The following THAP8 variants were observed in gnomAD, a reference collection of about 807,000 sequenced individuals.
THAP8 encodes THAP domain containing 8.
THAP8 carries 24 observed loss-of-function variants against 25.0 expected under a neutral mutation model. That is an observed-to-expected ratio of 0.96 (90% confidence interval 0.69 to 1.35). The LOEUF (loss-of-function observed/expected upper bound fraction) is 1.35, where lower values mean the gene tolerates loss of function less well. THAP8 is among the 40% of genes most tolerant of loss of function. The probability of loss-of-function intolerance (pLI) is 0.00; values close to 1 mark genes in which losing one functional copy is unlikely to be tolerated. For missense variants in THAP8, 399 were observed against 368.8 expected (o/e 1.08, Z -0.67); for synonymous variants, 169 against 157.6 (o/e 1.07, Z -0.54).
Position 36,040,070 on chromosome 19 carries a change from CA to C in THAP8, c.149del (p.Val50GlyfsTer81), listed in dbSNP as rs1456207701. ...TGCACAAGTGCTGGTGGCAGCTGGG[CA>C]CCCAGTGCTCACAGCCCATGTGCTG... ...WLQHMGCEHW[V>X]PSCHQHLCSE... On this transcript the variant is annotated frameshift_variant, in exon 2 of 4. Transcript: ENST00000292894. LOFTEE classifies it high-confidence loss of function. The C allele has an allele frequency of 6.2e-7, 1 of 1,613,522 alleles. No homozygotes were observed. Among genetic ancestry groups the C allele is most frequent in the Admixed American group, 1.7e-5 (1 of 60,012 alleles).
intron 1 of THAP8, among the ~76,000 whole-genome samples, chr19:36,052,265 G>A (rs1050919430): frequency 6.6e-6 from 1 of 152,090 alleles, no homozygotes; most frequent in Non-Finnish European, 1.5e-5. Flanking sequence ...GGATGGTCTC[G>A]ATCTCCTGAC....
At chr19:36,052,289 C>T (rs1447253311) in intron 1 of THAP8, among the ~76,000 whole-genome samples, 10 of 152,228 alleles carry the variant, frequency 6.6e-5, no homozygotes, top group Non-Finnish European at 1.2e-4. Flanking sequence ...GTGATCTGCC[C>T]GCCTTGGCCT....
At chr19:36,053,224 C>T (rs540530364) in intron 1 of THAP8, among the ~76,000 whole-genome samples, 4 of 151,978 alleles carry the variant, frequency 2.6e-5, no homozygotes, top group South Asian at 4.2e-4. Context: ...TGAGCCACCA[C>T]GCCCATCTAA....
upstream of THAP8, chr19:36,054,455 C>A: frequency 1.7e-6 from 1 of 596,282 alleles, no homozygotes. Flanking sequence ...TGCACCTGCG[C>A]AAAGCCGGCC....
At chr19:36,041,959 T>C (rs965905448) in intron 1 of THAP8, among the ~76,000 whole-genome samples, 3 of 152,122 alleles carry the variant, frequency 2.0e-5, no homozygotes, top group African/African-American at 4.8e-5. Context: ...GCAATGTGCA[T>C]CTATAGTTCT....
chr19:36,045,529 A>C (rs1969850193), intron 1 of THAP8, among the ~76,000 whole-genome samples: 2 of 152,108 alleles, frequency 1.3e-5, no homozygotes, highest in African/African-American at 2.4e-5. Flanking sequence ...TCGGCCTCCC[A>C]ATGTGCTGAA....
At chr19:36,049,610 T>G (rs1021911422) in intron 1 of THAP8, among the ~76,000 whole-genome samples, 1 of 152,188 alleles carries the variant, frequency 6.6e-6, no homozygotes, top group African/African-American at 2.4e-5. Context: ...CGGGTGCCAA[T>G]GAAGACATGA....
intron 1 of THAP8, chr19:36,046,114 G>A: frequency 2.8e-6 from 1 of 356,840 alleles, no homozygotes; most frequent in South Asian, 2.1e-5. Context: ...GGACATGATG[G>A]GAGGTGACTG....
intron 3 of THAP8, among the ~76,000 whole-genome samples, chr19:36,038,572 TC>T (rs1379861791): frequency 2.3e-4 from 35 of 152,102 alleles, no homozygotes; most frequent in Admixed American, 2.2e-3. Flanking sequence ...CTTGTAGCAG[TC>T]AGGCATGGTG....
intron 1 of THAP8, among the ~76,000 whole-genome samples, chr19:36,043,966 G>A (rs144295617): frequency 1.3e-5 from 2 of 152,116 alleles, no homozygotes; most frequent in African/African-American, 4.8e-5. Flanking sequence ...ATCTGATGAG[G>A]GACCCTCTAA....
intron 3 of THAP8, among the ~76,000 whole-genome samples, chr19:36,036,272 C>CTCTTTT (rs770842997): frequency 9.1e-6 from 1 of 110,482 alleles, no homozygotes; most frequent in African/African-American, 3.7e-5. Context: ...AAAGACCAGA[C>CTCTTTT]TTTTTTTTTT....
chr19:36,040,271 C>G, intron 1 of THAP8, 135 bp from the exon 2 acceptor site: 1 of 868,366 alleles, frequency 1.2e-6, no homozygotes, highest in Non-Finnish European at 1.7e-6. Context: ...TGTCTTGTGC[C>G]CAGGCTTTCT....
intron 1 of THAP8, among the ~76,000 whole-genome samples, chr19:36,043,687 A>G (rs1969778753): frequency 6.6e-6 from 1 of 152,114 alleles, no homozygotes; most frequent in Non-Finnish European, 1.5e-5. Context: ...TTCAAGTTCA[A>G]GACCAGCCTG....
At chr19:36,053,694 G>A (rs1049926513) in intron 1 of THAP8, among the ~76,000 whole-genome samples, 2 of 152,154 alleles carry the variant, frequency 1.3e-5, no homozygotes, top group Non-Finnish European at 1.5e-5. Flanking sequence ...GACGAAAGAG[G>A]TAAGGATGAC....
At chr19:36,054,465 C>T (rs1970227541), upstream of THAP8, 1 of 590,168 alleles carries the variant, frequency 1.7e-6, no homozygotes, top group Non-Finnish European at 3.0e-6. Flanking sequence ...CAAAGCCGGC[C>T]CTTCGTCACC....
At chr19:36,046,619 A>G (rs1222591255) in intron 1 of THAP8, among the ~76,000 whole-genome samples, 1 of 152,204 alleles carries the variant, frequency 6.6e-6, no homozygotes, top group Non-Finnish European at 1.5e-5. Flanking sequence ...TGCTGCAGTC[A>G]GCCTCCCTCT....
chr19:36,049,213 G>A (rs1254498448), intron 1 of THAP8, among the ~76,000 whole-genome samples: 1 of 151,324 alleles, frequency 6.6e-6, no homozygotes, highest in African/African-American at 2.4e-5. Flanking sequence ...AACCATGCTT[G>A]ACTAGCATAA....
At chr19:36,044,286 A>C (rs1461012143) in intron 1 of THAP8, among the ~76,000 whole-genome samples, 1 of 152,186 alleles carries the variant, frequency 6.6e-6, no homozygotes, top group Non-Finnish European at 1.5e-5. Context: ...AATGTTTTCC[A>C]TATCTGTGAT....
rs920306294 is a variant in THAP8, at chr19:36,054,027, C to G, written c.83+108G>C. 22 of 1,293,232 alleles carry G rather than the reference C, an allele frequency of 1.7e-5. No homozygotes were observed. The African/African-American group carries it at 2.5e-4, about 15-fold the overall frequency. 80.1% of individuals were successfully genotyped at this position (1,293,232 alleles called of 1,614,324 possible). A position where few individuals can be genotyped will look rare whatever the true frequency, so the allele number is the denominator to read the frequency against. On this transcript the variant is annotated intron_variant, in intron 1 of 3. Coordinates refer to ENST00000292894, the MANE Select transcript of THAP8 (RefSeq NM_152658.3). ...TCTCCTCATGGTTTAACCCCACTTC[C>G]TAACACCCTCAAGCAAGACCAGAAG...
Sources: gnomAD v4.1 joint callset for allele counts (sites outside exome capture counted in the v4.1 genomes callset) on GRCh38, gnomAD v4.1.1 for gene constraint, MANE v1.5 for transcripts, NCBI Gene and HGNC (gene_info 2026-07-23, HGNC 2026-07-21) for gene names.